Variants in CPD observed in about 807,000 individuals in gnomAD.
The protein encoded by CPD is carboxypeptidase D, also known as metallocarboxypeptidase D.
A neutral mutation model predicts 138.3 loss-of-function variants in CPD; 69 were observed. That is an observed-to-expected ratio of 0.50 (90% confidence interval 0.41 to 0.61). The LOEUF (loss-of-function observed/expected upper bound fraction) is 0.61, where lower values mean the gene tolerates loss of function less well. CPD is among the 20% of genes least tolerant of loss of function. CPD has a pLI of 0.00. For synonymous variants in CPD, 651 were observed against 642.1 expected, an observed-to-expected ratio of 1.01 and a Z score of -0.21; for missense variants, 1,432 against 1,733.3, an observed-to-expected ratio of 0.83 and a Z score of 3.09.
intron 2 of CPD, among the ~76,000 whole-genome samples, chr17:30,385,517 C>T (rs1449928185): frequency 1.4e-5 from 2 of 143,112 alleles, no homozygotes; most frequent in Non-Finnish European, 3.2e-5. Context: ...CACACACACA[C>T]ACACACACAC....
At chr17:30,453,011 C>T (rs112537480) in intron 14 of CPD, among the ~76,000 whole-genome samples, 1,926 of 152,148 alleles carry the variant, frequency 0.013, 42 homozygotes, top group African/African-American at 0.044. Context: ...TACCTCCCAC[C>T]GGCTCCCTCC....
intron 2 of CPD, among the ~76,000 whole-genome samples, chr17:30,388,544 C>G (rs753498055): frequency 3.3e-5 from 5 of 152,224 alleles, no homozygotes; most frequent in Non-Finnish European, 5.9e-5. Flanking sequence ...TCAGCTCCAA[C>G]CCCAATCCCG....
rs368227479 is a variant in CPD at position 30,464,013 on chromosome 17, T to C, written c.3917-575T>C. Among the ~76,000 whole-genome samples, 75 of 152,176 alleles carry C rather than the reference T, an allele frequency of 4.9e-4. 1 individual carries two copies. Among genetic ancestry groups the C allele is most frequent in the African/African-American group, 1.6e-3 (67 of 41,522 alleles). ...GAAAGGAAAAGTATAATAGAAGTCA[T>C]AAAAAGCAGGTTGCAGAACAGTAGA... On this transcript the variant is annotated intron_variant, in intron 20 of 20. Coordinates refer to ENST00000225719, the MANE Select transcript of CPD (RefSeq NM_001304.5).
intron 2 of CPD, among the ~76,000 whole-genome samples, chr17:30,385,532 A>T (rs1362237115): frequency 7.0e-6 from 1 of 141,968 alleles, no homozygotes; most frequent in Non-Finnish European, 1.6e-5. Context: ...ACACACACAC[A>T]ATCACACAAT....
intron 20 of CPD, among the ~76,000 whole-genome samples, chr17:30,462,964 T>C (rs915677154): frequency 6.6e-6 from 1 of 152,256 alleles, no homozygotes; most frequent in Non-Finnish European, 1.5e-5. Flanking sequence ...CATGCTATTG[T>C]TTGTGGTTTA....
intron 2 of CPD, among the ~76,000 whole-genome samples, chr17:30,397,595 A>T (rs1334650145): frequency 1.3e-5 from 2 of 151,814 alleles, no homozygotes; most frequent in Non-Finnish European, 2.9e-5. Context: ...AAAATTAGCC[A>T]GGCATGGTGG....
At chr17:30,386,440 T>G (rs1217393115) in intron 2 of CPD, among the ~76,000 whole-genome samples, 1 of 152,192 alleles carries the variant, frequency 6.6e-6, no homozygotes, top group African/African-American at 2.4e-5. Flanking sequence ...TACATATATA[T>G]ATACATAACA....
intron 7 of CPD, among the ~76,000 whole-genome samples, chr17:30,430,771 A>G (rs1252046309): frequency 1.3e-5 from 2 of 151,994 alleles, no homozygotes; most frequent in Non-Finnish European, 2.9e-5. Flanking sequence ...CTCCCACCTC[A>G]GCCTCCCAAG....
chr17:30,451,685 C>T (rs1913170170), intron 13 of CPD, 26 bp from the exon 14 acceptor site: 10 of 1,607,686 alleles, frequency 6.2e-6, no homozygotes, highest in Non-Finnish European at 7.6e-6. Context: ...CAGCTAGTAA[C>T]TCGTTAATTT....
rs915064316 is a variant in CPD at position 30,393,427 on chromosome 17, T to C, written c.994+8191T>C. Among the ~76,000 whole-genome samples the C allele has an allele frequency of 2.6e-5, 4 of 152,194 alleles. No individual in the cohort carries two copies. The East Asian group carries it at 7.7e-4, about 29-fold the overall frequency. ...GTGTCATTAAATAGGATATTATGAA[T>C]TAACCCAGTAACACCAGAAAATTGT... On this transcript the variant is annotated intron_variant, in intron 2 of 20. Coordinates refer to ENST00000225719, the MANE Select transcript of CPD (RefSeq NM_001304.5).
chr17:30,436,684 T>C (rs1242372071), intron 8 of CPD, among the ~76,000 whole-genome samples: 1 of 152,210 alleles, frequency 6.6e-6, no homozygotes, highest in Non-Finnish European at 1.5e-5. Flanking sequence ...TAAAATGGTA[T>C]AACTGCTTTG....
chr17:30,451,419 T>C (rs548274334), intron 13 of CPD, among the ~76,000 whole-genome samples: 4 of 152,304 alleles, frequency 2.6e-5, no homozygotes, highest in East Asian at 1.9e-4. Context: ...TCAGTAAAAC[T>C]TTATATACAA....
At chr17:30,426,676 T>A (rs1597721425) in intron 6 of CPD, among the ~76,000 whole-genome samples, 1 of 152,232 alleles carries the variant, frequency 6.6e-6, no homozygotes, top group East Asian at 1.9e-4. Context: ...CAATGACTGG[T>A]TATCCTTTAA....
chr17:30,391,175 A>G (rs1393030912), intron 2 of CPD, among the ~76,000 whole-genome samples: 3 of 127,994 alleles, frequency 2.3e-5, no homozygotes, highest in African/African-American at 8.9e-5. Flanking sequence ...GCTGATTTGT[A>G]TGCCATTTGC....
intron 11 of CPD, among the ~76,000 whole-genome samples, chr17:30,444,320 T>C (rs1912965844): frequency 6.6e-6 from 1 of 152,148 alleles, no homozygotes; most frequent in Non-Finnish European, 1.5e-5. Context: ...GAAGTAATTC[T>C]ACAGTCAGTT....
At chr17:30,459,146 C>CTTTTT (rs34756707) in intron 17 of CPD, among the ~76,000 whole-genome samples, 1 of 64,940 alleles carries the variant, frequency 1.5e-5, no homozygotes, top group Non-Finnish European at 3.5e-5. Flanking sequence ...GCCAGTATCA[C>CTTTTT]TTTTTTTTTT....
intron 8 of CPD, among the ~76,000 whole-genome samples, chr17:30,433,017 G>GT (rs1245316859): frequency 6.6e-6 from 1 of 152,140 alleles, no homozygotes; most frequent in Non-Finnish European, 1.5e-5. Context: ...ACTTAGTATT[G>GT]TTATTGGTTA....
chr17:30,386,575 C>T (rs943417225), intron 2 of CPD, among the ~76,000 whole-genome samples: 4 of 152,126 alleles, frequency 2.6e-5, no homozygotes, highest in Non-Finnish European at 5.9e-5. Flanking sequence ...AACAGAAACT[C>T]GGTAGGCATT....
rs1176655851 is a variant in CPD, at chr17:30,468,843, A to G, written c.*4029A>G. 1 of 152,164 alleles carries G rather than the reference A, an allele frequency of 6.6e-6. No individual in the cohort carries two copies. Among genetic ancestry groups the G allele is most frequent in the Non-Finnish European group, 1.5e-5 (1 of 68,014 alleles). The allele number at this position is 152,164 out of a possible 1,614,324, so 9.4% of individuals were successfully genotyped here. A position where few individuals can be genotyped will look rare whatever the true frequency, so the allele number is the denominator to read the frequency against. On this transcript the variant is annotated 3_prime_UTR_variant, in exon 21 of 21. Coordinates refer to ENST00000225719, the MANE Select transcript of CPD (RefSeq NM_001304.5). ...GGTATCACCTATGGAATGTTTCTGT[A>G]TTTATGAATTGACTCAAAAGAAAGC...
Sources: gnomAD v4.1 joint callset for allele counts (sites outside exome capture counted in the v4.1 genomes callset) on GRCh38, gnomAD v4.1.1 for gene constraint, MANE v1.5 for transcripts, NCBI Gene and HGNC (gene_info 2026-07-23, HGNC 2026-07-21) for gene names.